The following GPC6 variants were observed in gnomAD, a reference collection of about 807,000 sequenced individuals.
The protein encoded by GPC6 is glypican 6, also known as glypican-6.
In GPC6, 14 loss-of-function variants were observed where a neutral mutation model predicts 55.2. The ratio of observed to expected loss-of-function variants is 0.25; its 90% CI spans 0.17 to 0.40. The LOEUF (loss-of-function observed/expected upper bound fraction) is 0.40, where lower values mean the gene tolerates loss of function less well. GPC6 is among the 10% of genes least tolerant of loss of function. GPC6 has a pLI of 1.00. For synonymous variants in GPC6, 278 were observed against 259.6 expected (o/e 1.07, Z -0.68); for missense variants, 641 against 708.5 (o/e 0.90, Z 1.08).
chr13:94,052,335 T>TA (rs1883978851), intron 4 of GPC6, among the ~76,000 whole-genome samples: 2 of 152,164 alleles, frequency 1.3e-5, no homozygotes, highest in Admixed American at 6.5e-5. Context: ...GTACTTTGTC[T>TA]AAAAAATGGT....
intron 6 of GPC6, among the ~76,000 whole-genome samples, chr13:94,306,568 C>A (rs1262685282): frequency 6.6e-6 from 1 of 152,088 alleles, no homozygotes; most frequent in Admixed American, 6.5e-5. Flanking sequence ...TGCCCGGAAA[C>A]CCCAAATCAA....
intron 2 of GPC6, among the ~76,000 whole-genome samples, chr13:93,780,595 AC>A (rs1207516395): frequency 6.6e-5 from 1 of 15,180 alleles, no homozygotes; most frequent in East Asian, 4.6e-3. Flanking sequence ...TCACAAAAAT[AC>A]ACACACACAC....
rs545806252 is a variant in GPC6, at chr13:93,681,091, T to C, written c.319+135670T>C. Among the ~76,000 whole-genome samples, 8 of 152,322 alleles carry C rather than the reference T, an allele frequency of 5.3e-5. No individual in the cohort carries two copies. The East Asian group carries it at 1.5e-3, about 29-fold the overall frequency. On this transcript the variant is annotated intron_variant, in intron 2 of 8. Transcript: ENST00000377047. ...ATTTGTCATTATTCTTTGGTAACTT[T>C]GCTTCCATGACTGTTAAGGTGTTTC...
chr13:94,218,542 T>G (rs1055397065), intron 4 of GPC6, among the ~76,000 whole-genome samples: 14 of 152,144 alleles, frequency 9.2e-5, no homozygotes, highest in African/African-American at 3.4e-4. Context: ...TCGAATCTAC[T>G]TGTTAAATTG....
At chr13:93,908,541 A>C (rs1218874693) in intron 3 of GPC6, among the ~76,000 whole-genome samples, 1 of 152,182 alleles carries the variant, frequency 6.6e-6, no homozygotes, top group East Asian at 1.9e-4. Flanking sequence ...TTGTGTTTGC[A>C]GTAATACAAC....
rs145184630 is a variant in GPC6, at chr13:94,042,197, T to C, written c.877+14303T>C. Reference sequence around the variant, plus strand: ...TTCCTCCTACTCTAGCCATGTAAAATATGCCTGCTTTCCCTTTGCCTTCCA... The same window carrying C: ...TTCCTCCTACTCTAGCCATGTAAAACATGCCTGCTTTCCCTTTGCCTTCCA... On this transcript the variant is annotated intron_variant, in intron 4 of 8. Coordinates refer to ENST00000377047, the MANE Select transcript of GPC6 (RefSeq NM_005708.5). Among the ~76,000 whole-genome samples the C allele has an allele frequency of 5.4e-3, 825 of 151,788 alleles. 10 individuals carry two copies. The highest frequency in any genetic ancestry group is 0.019 in the African/African-American group (788 of 41,450).
At chr13:93,557,978 T>C (rs891439923) in intron 2 of GPC6, among the ~76,000 whole-genome samples, 3 of 152,124 alleles carry the variant, frequency 2.0e-5, no homozygotes, top group Non-Finnish European at 4.4e-5. Context: ...TTCTCCATAG[T>C]TGGGGAAGGG....
chr13:93,428,609 G>A (rs931372058), intron 1 of GPC6, among the ~76,000 whole-genome samples: 3 of 152,016 alleles, frequency 2.0e-5, no homozygotes, highest in Non-Finnish European at 4.4e-5. Context: ...TGATTATTAC[G>A]CAGAGTGCTG....
intron 2 of GPC6, among the ~76,000 whole-genome samples, chr13:93,688,464 T>C (rs1000556038): frequency 6.6e-6 from 1 of 152,120 alleles, no homozygotes; most frequent in African/African-American, 2.4e-5. Context: ...TAGATATGTG[T>C]GCACCTATGT....
intron 3 of GPC6, among the ~76,000 whole-genome samples, chr13:93,881,274 T>C (rs1242568158): frequency 6.6e-6 from 1 of 152,098 alleles, no homozygotes; most frequent in Admixed American, 6.6e-5. Flanking sequence ...GCAATTTAAA[T>C]GTAATTATTT....
intron 6 of GPC6, among the ~76,000 whole-genome samples, chr13:94,350,047 TATATATATATAC>T (rs1878464511): frequency 6.6e-6 from 1 of 151,512 alleles, no homozygotes; most frequent in South Asian, 2.1e-4. Flanking sequence ...AAAGAAAAAA[TATATATATATAC>T]ATATATATAT....
chr13:93,887,317 C>T (rs1035000458), intron 3 of GPC6, among the ~76,000 whole-genome samples: 3 of 151,964 alleles, frequency 2.0e-5, no homozygotes, highest in Non-Finnish European at 2.9e-5. Flanking sequence ...TGATCTCAAA[C>T]ATGACAATTG....
chr13:93,375,991 G>C (rs1456389866), intron 1 of GPC6, among the ~76,000 whole-genome samples: 1 of 151,604 alleles, frequency 6.6e-6, no homozygotes, highest in East Asian at 1.9e-4. Flanking sequence ...TCAATAAATG[G>C]TGGTGGACTA....
chr13:93,391,100 T>C (rs888917263), intron 1 of GPC6, among the ~76,000 whole-genome samples: 4 of 151,914 alleles, frequency 2.6e-5, no homozygotes, highest in South Asian at 2.1e-4. Flanking sequence ...TATAATGATA[T>C]AGAAAAAAGG....
chr13:93,352,625 T>C (rs1055902541), intron 1 of GPC6, among the ~76,000 whole-genome samples: 10 of 151,984 alleles, frequency 6.6e-5, no homozygotes, highest in Admixed American at 3.3e-4. Flanking sequence ...AAAAACACCA[T>C]GGGGATCAAT....
chr13:94,030,262 G>T (rs1026009393), intron 4 of GPC6, among the ~76,000 whole-genome samples: 2 of 152,058 alleles, frequency 1.3e-5, no homozygotes, highest in African/African-American at 4.8e-5. Flanking sequence ...GCCCGCCTCG[G>T]CCTCCCAAAG....
chr13:94,329,020 G>A lies in GPC6; in HGVS notation c.1152+22897G>A, dbSNP rs912143437. 2.0e-5 allele frequency among the ~76,000 whole-genome samples: 3 copies of A among 152,312 alleles called. No homozygotes were observed. In the South Asian group the frequency reaches 6.2e-4, roughly 32 times the overall value. ...CCCCATCAACTCTGGAGCTCCTGAG[G>A]AAGAACCCCGGGGGGGGCTGAAATG... is the stretch of plus-strand genomic sequence containing the variant. On this transcript the variant is annotated intron_variant, in intron 6 of 8. Coordinates refer to ENST00000377047, the MANE Select transcript of GPC6 (RefSeq NM_005708.5).
intron 1 of GPC6, among the ~76,000 whole-genome samples, chr13:93,468,218 G>C (rs529540544): frequency 2.0e-5 from 3 of 151,104 alleles, no homozygotes; most frequent in Non-Finnish European, 4.4e-5. Flanking sequence ...TTCAATTACT[G>C]GTCTTGATCT....
intron 3 of GPC6, among the ~76,000 whole-genome samples, chr13:93,900,027 A>C (rs1042148573): frequency 6.6e-6 from 1 of 152,162 alleles, no homozygotes; most frequent in African/African-American, 2.4e-5. Context: ...TTCTGAAAAT[A>C]ATTTGTGGAC....
Sources: gnomAD v4.1 joint callset for allele counts (sites outside exome capture counted in the v4.1 genomes callset) on GRCh38, gnomAD v4.1.1 for gene constraint, MANE v1.5 for transcripts, NCBI Gene and HGNC (gene_info 2026-07-23, HGNC 2026-07-21) for gene names.